CELF2: variants seen among roughly 807,000 people sequenced by gnomAD.
The protein encoded by CELF2 is CUG triplet repeat RNA-binding protein 2.
Under a neutral mutation model 62.6 loss-of-function variants are expected in CELF2, and 8 were observed. The ratio of observed to expected loss-of-function variants is 0.13; its 90% CI spans 0.07 to 0.23. CELF2 has a LOEUF of 0.23. Among genes scored for constraint, CELF2 ranks in the 10% least tolerant of loss-of-function variants. The pLI is 1.00. For missense variants in CELF2, 333 were observed against 671.0 expected (o/e 0.50, Z 5.56); for synonymous variants, 258 against 250.0 (o/e 1.03, Z -0.30).
At chr10:11,259,361 C>T (rs781474712) in intron 5 of CELF2, among the ~76,000 whole-genome samples, 4 of 150,030 alleles carry the variant, frequency 2.7e-5, no homozygotes, top group Non-Finnish European at 5.9e-5. Flanking sequence ...AGGTAGTCTA[C>T]AGGAGAACTA....
At chr10:10,650,739 AATG>A in the CELF2 span, among the ~76,000 whole-genome samples, 3 of 152,240 alleles carry the variant, frequency 2.0e-5, no homozygotes, top group Non-Finnish European at 2.9e-5. Context: ...AAAATAGTAA[AATG>A]ATGCAACCAC....
chr10:10,579,431 G>A, the CELF2 span, among the ~76,000 whole-genome samples: 4 of 152,132 alleles, frequency 2.6e-5, no homozygotes, highest in Admixed American at 6.6e-5. Context: ...GGTCTGGGTA[G>A]TTCCTCAAGG....
At chr10:10,757,873 G>C in the CELF2 span, among the ~76,000 whole-genome samples, 10 of 152,304 alleles carry the variant, frequency 6.6e-5, no homozygotes, top group African/African-American at 2.4e-4. Context: ...TTTAAAACTT[G>C]TAAAGAATCT....
Position 11,165,416 on chromosome 10 carries a change from C to G in CELF2, c.75-70C>G. On this transcript the variant is annotated intron_variant, in intron 1 of 12. Coordinates refer to ENST00000633077, the MANE Select transcript of CELF2 (RefSeq NM_001326342.2). This position sits in a 1 kb window ranked among gnomAD's most constrained non-coding sequence, Gnocchi z 7.4. ...TCCTTCCGCCTCCCCGCTCCCCCAC[C>G]CCCACTATTTTTTCTTCCTGTCCCT... is the stretch of plus-strand genomic sequence containing the variant. 2 of 1,553,516 alleles carry G rather than the reference C, an allele frequency of 1.3e-6. No individual in the cohort carries two copies. Among genetic ancestry groups the G allele is most frequent in the Non-Finnish European group, 1.7e-6 (2 of 1,148,414 alleles).
In CELF2 at chr10:11,333,280, T is replaced by TTTTATC. The variant is rs2096063289; in HGVS notation, c.*4231_*4236dup. The stretch of plus-strand genomic sequence containing the variant: ...AGAGACAAACTGTCCTTCTATCCAC[T>TTTTATC]TTTATCTTTTAATAAATATCAAAAG... On this transcript the variant is annotated 3_prime_UTR_variant, in exon 13 of 13. Transcript: ENST00000633077. The TTTTATC allele has an allele frequency of 6.6e-6, 1 of 152,618 alleles. No individual in the cohort carries two copies. Among genetic ancestry groups the TTTTATC allele is most frequent in the Admixed American group, 6.5e-5 (1 of 15,284 alleles). The allele number at this position is 152,618 out of a possible 1,614,324, so 9.5% of individuals were successfully genotyped here. A position where few individuals can be genotyped will look rare whatever the true frequency, so the allele number is the denominator to read the frequency against.
intron 2 of CELF2, among the ~76,000 whole-genome samples, chr10:11,202,426 TG>T (rs2059421273): frequency 6.6e-6 from 1 of 152,204 alleles, no homozygotes; most frequent in Non-Finnish European, 1.5e-5. Context: ...TGCAGTGAGA[TG>T]GACACAGTAT....
chr10:11,176,813 G>T (rs144931165), intron 2 of CELF2, among the ~76,000 whole-genome samples: 9 of 152,262 alleles, frequency 5.9e-5, no homozygotes, highest in Non-Finnish European at 7.4e-5. Context: ...TTTTTTCAAT[G>T]TTTATCCCAG....
In CELF2 at chr10:11,159,996, T is replaced by C. The variant is rs2065330954; in HGVS notation, c.75-5490T>C. Among the ~76,000 whole-genome samples the C allele has an allele frequency of 6.6e-6, 1 of 152,170 alleles. No homozygotes were observed. The highest frequency in any genetic ancestry group is 2.1e-4 in the South Asian group (1 of 4,822). On this transcript the variant is annotated intron_variant, in intron 1 of 12. Coordinates refer to ENST00000633077, the MANE Select transcript of CELF2 (RefSeq NM_001326342.2). The surrounding 1 kb of genome is among the most constrained non-coding windows in gnomAD (Gnocchi z 5.0). ...GGCCACTCAGCGGCCTGTCGGAGCCTCCAGGCTACTCTCCATAGTGTCAGT... is the reference window on the plus strand; with the variant it reads ...GGCCACTCAGCGGCCTGTCGGAGCCCCCAGGCTACTCTCCATAGTGTCAGT...
intron 3 of CELF2, among the ~76,000 whole-genome samples, chr10:11,222,274 T>C (rs907410556): frequency 7.2e-5 from 11 of 152,356 alleles, no homozygotes; most frequent in Middle Eastern, 3.4e-3. Context: ...TAGGTATTAA[T>C]GCCTTTGTTC....
intron 2 of CELF2, among the ~76,000 whole-genome samples, chr10:10,944,767 A>AT (rs1175925869): frequency 2.0e-5 from 3 of 151,804 alleles, no homozygotes; most frequent in Non-Finnish European, 4.4e-5. Flanking sequence ...ACACCCAGCT[A>AT]TTTTTTTGTA....
intron 1 of CELF2, among the ~76,000 whole-genome samples, chr10:11,079,861 CAG>C (rs1371885844): frequency 1.3e-5 from 2 of 151,632 alleles, no homozygotes; most frequent in Non-Finnish European, 2.9e-5. Context: ...CACATATGAT[CAG>C]AGTTACCACA....
intron 1 of CELF2, chr10:11,102,209 A>C (rs140474209): frequency 6.6e-6 from 1 of 152,256 alleles, no homozygotes; most frequent in African/African-American, 2.4e-5. Flanking sequence ...TCACAGAAGT[A>C]GCAATAGCTT....
the CELF2 span, among the ~76,000 whole-genome samples, chr10:10,716,550 A>G: frequency 2.6e-5 from 4 of 152,204 alleles, no homozygotes; most frequent in East Asian, 1.9e-4. Context: ...CAAAAAGGGG[A>G]AAAAAAATCA....
intron 2 of CELF2, among the ~76,000 whole-genome samples, chr10:10,962,723 T>G (rs755327039): frequency 1.5e-4 from 23 of 152,036 alleles, no homozygotes; most frequent in East Asian, 3.9e-4. Flanking sequence ...AGACACTGTC[T>G]CTAAAAAAAT....
chr10:10,780,832 G>T, the CELF2 span, among the ~76,000 whole-genome samples: 6 of 152,192 alleles, frequency 3.9e-5, no homozygotes, highest in Admixed American at 3.9e-4. Flanking sequence ...TGTGGTATTT[G>T]CAGGGGTTTG....
intron 1 of CELF2, among the ~76,000 whole-genome samples, chr10:11,057,341 G>A (rs970813026): frequency 6.6e-6 from 1 of 152,300 alleles, no homozygotes; most frequent in East Asian, 1.9e-4. Flanking sequence ...TGCTCTACTA[G>A]CATGACCCGT....
chr10:10,617,772 C>G, the CELF2 span, among the ~76,000 whole-genome samples: 1 of 152,044 alleles, frequency 6.6e-6, no homozygotes, highest in Non-Finnish European at 1.5e-5. Context: ...CAGAGACAAC[C>G]AAAGCACAAA....
chr10:10,949,171 T>G (rs1429953798), intron 2 of CELF2, among the ~76,000 whole-genome samples: 1 of 152,128 alleles, frequency 6.6e-6, no homozygotes, highest in Non-Finnish European at 1.5e-5. Context: ...TCTATACATG[T>G]GTTCCCTCCG....
Position 11,150,853 on chromosome 10 carries a change from G to A in CELF2, c.75-14633G>A, listed in dbSNP as rs12416470. Among the ~76,000 whole-genome samples, 1,035 of 152,310 alleles carry A rather than the reference G, an allele frequency of 6.8e-3. 32 individuals are homozygous for A. The highest frequency in any genetic ancestry group is 0.048 in the Admixed American group (738 of 15,296). Reference sequence around the variant, plus strand: ...AATTTTGGAGCCCCAGTCTAGACCTGTCATTTTAACACTGAAGAACTACAG... The same window carrying A: ...AATTTTGGAGCCCCAGTCTAGACCTATCATTTTAACACTGAAGAACTACAG... On this transcript the variant is annotated intron_variant, in intron 1 of 12. Transcript: ENST00000633077.
Sources: allele counts gnomAD v4.1 joint callset (sites outside exome capture counted in the v4.1 genomes callset), GRCh38; gene constraint gnomAD v4.1.1; non-coding constraint Gnocchi (gnomAD v3.1); transcripts MANE v1.5; gene names NCBI Gene and HGNC (gene_info 2026-07-23, HGNC 2026-07-21).